The following GALNT10 variants were observed in gnomAD, a reference collection of about 807,000 sequenced individuals.
GALNT10 encodes the protein GalNAc transferase 10.
GALNT10 carries 41 observed loss-of-function variants against 75.0 expected under a neutral mutation model. The observed-to-expected ratio is 0.55, with a 90% CI of 0.43 to 0.71. The LOEUF is 0.71. Among genes scored for constraint, GALNT10 ranks in the 30% least tolerant of loss-of-function variants. The pLI, the probability that GALNT10 is intolerant of heterozygous loss-of-function variation, is 0.00. For missense variants in GALNT10, 727 were observed against 818.5 expected (o/e 0.89, Z 1.36); for synonymous variants, 302 against 313.0 (o/e 0.96, Z 0.37).
At chr5:154,362,518 T>C (rs891668356) in intron 4 of GALNT10, among the ~76,000 whole-genome samples, 1 of 152,202 alleles carries the variant, frequency 6.6e-6, no homozygotes, top group Non-Finnish European at 1.5e-5. Flanking sequence ...ACAGTCTCTC[T>C]ACGCTAATTA....
At chr5:154,208,202 T>C (rs1308684857) in intron 1 of GALNT10, among the ~76,000 whole-genome samples, 1 of 152,218 alleles carries the variant, frequency 6.6e-6, no homozygotes, top group Admixed American at 6.5e-5. Context: ...CTTGACATTC[T>C]AAGAGAAAAG....
intron 4 of GALNT10, among the ~76,000 whole-genome samples, chr5:154,332,108 T>A (rs1311079792): frequency 6.6e-6 from 1 of 151,972 alleles, no homozygotes; most frequent in East Asian, 1.9e-4. Context: ...GCCTCATCCT[T>A]CTCCCAGCAT....
At chr5:154,203,122 C>T (rs374970110) in intron 1 of GALNT10, among the ~76,000 whole-genome samples, 77 of 152,190 alleles carry the variant, frequency 5.1e-4, no homozygotes, top group African/African-American at 4.8e-4. Context: ...GGGGAAGCCC[C>T]GGTGTGAGTT....
rs553758336 is a variant in GALNT10 at position 154,412,401 on chromosome 5, A to AG, written c.1387-483dup. 99 of 161,112 alleles carry AG rather than the reference A, an allele frequency of 6.1e-4. 1 individual carries two copies. In the East Asian group the frequency reaches 0.015, roughly 24 times the overall value. 10.0% of individuals were successfully genotyped at this position (161,112 alleles called of 1,614,324 possible). A position where few individuals can be genotyped will look rare whatever the true frequency, so the allele number is the denominator to read the frequency against. On this transcript the variant is annotated intron_variant, in intron 9 of 11. Coordinates refer to ENST00000297107, the MANE Select transcript of GALNT10 (RefSeq NM_198321.4). This position sits in a 1 kb window ranked among gnomAD's most constrained non-coding sequence, Gnocchi z 4.2. ...GTTCTTTGGATCTCAGCAGGGGGTGAGGGGGCCTCCTGCCACCTCTTGCCA... is the reference window on the plus strand; with the variant it reads ...GTTCTTTGGATCTCAGCAGGGGGTGAGGGGGGCCTCCTGCCACCTCTTGCCA...
intron 2 of GALNT10, 76 bp downstream of exon 2, chr5:154,294,994 G>T: frequency 1.4e-6 from 1 of 725,562 alleles, no homozygotes; most frequent in Non-Finnish European, 2.5e-6. Flanking sequence ...GTGTGTGTGT[G>T]TGTGTGTGTG....
At chr5:154,253,600 G>A (rs1308638626) in intron 1 of GALNT10, among the ~76,000 whole-genome samples, 1 of 151,274 alleles carries the variant, frequency 6.6e-6, no homozygotes, top group Non-Finnish European at 1.5e-5. Context: ...TATGGGATTT[G>A]ACATCAGTAC....
At position 154,269,431 on chromosome 5, in the gene GALNT10, A is replaced by G. The variant is rs79526679; in HGVS notation, c.160-25385A>G. Among the ~76,000 whole-genome samples the G allele has an allele frequency of 9.1e-3, 1,392 of 152,350 alleles. 83 individuals are homozygous for G. In the East Asian group the frequency reaches 0.17, roughly 19 times the overall value. ...ATTTGGTATTCTGAAAGCAGAATCT[A>G]TAATATACTAGAACCACTTGGTCTA... On this transcript the variant is annotated intron_variant, in intron 1 of 11. Transcript: ENST00000297107.
At chr5:154,281,727 A>G (rs976474805) in intron 1 of GALNT10, among the ~76,000 whole-genome samples, 15 of 152,176 alleles carry the variant, frequency 9.9e-5, no homozygotes, top group Admixed American at 2.0e-4. Flanking sequence ...TTCAAACAAG[A>G]TAGTGTATTT....
chr5:154,315,901 C>T (rs1561659008), intron 3 of GALNT10, among the ~76,000 whole-genome samples: 1 of 152,234 alleles, frequency 6.6e-6, no homozygotes, highest in African/African-American at 2.4e-5. Flanking sequence ...ATTCACTTCT[C>T]AGCTCAAACC....
At chr5:154,243,168 T>C (rs1278410874) in intron 1 of GALNT10, among the ~76,000 whole-genome samples, 1 of 152,150 alleles carries the variant, frequency 6.6e-6, no homozygotes, top group Non-Finnish European at 1.5e-5. Flanking sequence ...TCTCAACTTA[T>C]CTTATCTCAA....
At chr5:154,350,287 A>G (rs1755187743) in intron 4 of GALNT10, among the ~76,000 whole-genome samples, 1 of 152,200 alleles carries the variant, frequency 6.6e-6, no homozygotes, top group East Asian at 1.9e-4. Flanking sequence ...TCTGTTCTTC[A>G]GCATGGCTGG....
intron 1 of GALNT10, among the ~76,000 whole-genome samples, chr5:154,247,774 T>A (rs1391840094): frequency 6.6e-6 from 1 of 152,208 alleles, no homozygotes; most frequent in African/African-American, 2.4e-5. Context: ...ACAATTTGAC[T>A]TCCTCTTTTC....
chr5:154,335,275 T>C (rs547069310), intron 4 of GALNT10, among the ~76,000 whole-genome samples: 2 of 152,192 alleles, frequency 1.3e-5, no homozygotes, highest in Non-Finnish European at 2.9e-5. Context: ...TGTGCTATGA[T>C]ATAAGAGGAA....
intron 2 of GALNT10, among the ~76,000 whole-genome samples, chr5:154,295,352 G>C (rs978164567): frequency 1.3e-5 from 2 of 152,140 alleles, no homozygotes; most frequent in African/African-American, 4.8e-5. Context: ...AATTTCCTCT[G>C]TGAAACCTCA....
intron 1 of GALNT10, among the ~76,000 whole-genome samples, chr5:154,194,213 C>T (rs562897505): frequency 1.6e-4 from 25 of 152,268 alleles, no homozygotes; most frequent in South Asian, 6.2e-4. Flanking sequence ...AATGGAATAC[C>T]GGTGACTTTA....
At chr5:154,236,754 T>C (rs1475938559) in intron 1 of GALNT10, among the ~76,000 whole-genome samples, 1 of 152,224 alleles carries the variant, frequency 6.6e-6, no homozygotes, top group African/African-American at 2.4e-5. Context: ...AGAAACAGGG[T>C]CACATTTAGA....
intron 3 of GALNT10, among the ~76,000 whole-genome samples, chr5:154,321,800 C>G (rs192565277): frequency 2.5e-3 from 297 of 119,968 alleles, no homozygotes; most frequent in African/African-American, 7.0e-3. Context: ...GCACCTGCCC[C>G]CTAGACAGCA....
intron 1 of GALNT10, among the ~76,000 whole-genome samples, chr5:154,246,547 C>A (rs1753427627): frequency 6.6e-6 from 1 of 152,266 alleles, no homozygotes; most frequent in African/African-American, 2.4e-5. Flanking sequence ...ATTTCCATTT[C>A]TCTGATGGCC....
At chr5:154,331,515 C>T (rs908088059) in intron 4 of GALNT10, among the ~76,000 whole-genome samples, 2 of 152,192 alleles carry the variant, frequency 1.3e-5, no homozygotes, top group African/African-American at 4.8e-5. Flanking sequence ...ATAGTACCTA[C>T]GACCTCTTAG....
Sources: allele counts gnomAD v4.1 joint callset (sites outside exome capture counted in the v4.1 genomes callset), GRCh38; gene constraint gnomAD v4.1.1; non-coding constraint Gnocchi (gnomAD v3.1); transcripts MANE v1.5; gene names NCBI Gene and HGNC (gene_info 2026-07-23, HGNC 2026-07-21).